The following JPH3 variants were observed in gnomAD, a reference collection of about 807,000 sequenced individuals.
The protein encoded by JPH3 is junctophilin 3, also known as junctophilin-3.
Under a neutral mutation model 59.6 loss-of-function variants are expected in JPH3, and 11 were observed. That is an observed-to-expected ratio of 0.18 (90% CI 0.12 to 0.31). The LOEUF (loss-of-function observed/expected upper bound fraction) is 0.31. Among genes scored for constraint, JPH3 ranks in the 10% least tolerant of loss-of-function variants. The probability of loss-of-function intolerance (pLI) is 1.00; values close to 1 mark genes in which losing one functional copy is unlikely to be tolerated. For synonymous variants in JPH3, 673 were observed against 483.6 expected (o/e 1.39, Z -5.14); for missense variants, 1,202 against 1,105.7 (o/e 1.09, Z -1.24).
intron 1 of JPH3, among the ~76,000 whole-genome samples, chr16:87,627,613 C>A (rs2031425234): frequency 1.3e-5 from 2 of 152,212 alleles, no homozygotes; most frequent in Non-Finnish European, 1.5e-5. Flanking sequence ...GCTGCAGCTC[C>A]CAGGCTCTCA....
chr16:87,650,733 C>G (rs1567599333), intron 2 of JPH3, among the ~76,000 whole-genome samples: 1 of 152,190 alleles, frequency 6.6e-6, no homozygotes, highest in Admixed American at 6.5e-5. Flanking sequence ...TGATCCAGAG[C>G]AAGGCTCAAC....
intron 1 of JPH3, among the ~76,000 whole-genome samples, chr16:87,628,961 C>A (rs1000169852): frequency 2.0e-5 from 3 of 152,090 alleles, no homozygotes; most frequent in Non-Finnish European, 2.9e-5. Context: ...CACAAATCAG[C>A]CAGAGTTACT....
chr16:87,624,732 G>A (rs769286102), intron 1 of JPH3, among the ~76,000 whole-genome samples: 2 of 152,150 alleles, frequency 1.3e-5, no homozygotes, highest in African/African-American at 2.4e-5. Flanking sequence ...TGGCTGGGTC[G>A]CTCTGGGCCC....
chr16:87,651,601 G>A (rs1317828816), intron 2 of JPH3, among the ~76,000 whole-genome samples: 1 of 152,232 alleles, frequency 6.6e-6, no homozygotes, highest in Non-Finnish European at 1.5e-5. Flanking sequence ...GTGGAGGAAG[G>A]ACTGCAGATG....
intron 2 of JPH3, among the ~76,000 whole-genome samples, chr16:87,656,362 GCT>G (rs1204807982): frequency 6.6e-6 from 1 of 152,228 alleles, no homozygotes; most frequent in Non-Finnish European, 1.5e-5. Flanking sequence ...AGCAAAGGAA[GCT>G]CTAAACACCA....
intron 2 of JPH3, among the ~76,000 whole-genome samples, chr16:87,680,187 C>T (rs1221175824): frequency 3.3e-5 from 5 of 152,264 alleles, no homozygotes; most frequent in Non-Finnish European, 7.3e-5. Flanking sequence ...AGGCTGGCTT[C>T]CTCTGGCGGA....
intron 2 of JPH3, among the ~76,000 whole-genome samples, chr16:87,671,194 C>G (rs549862434): frequency 1.3e-5 from 2 of 152,304 alleles, no homozygotes; most frequent in African/African-American, 4.8e-5. Context: ...AGCCCATGCA[C>G]AGACACGTCT....
At chr16:87,646,975 G>T (rs2150847634) in intron 2 of JPH3, among the ~76,000 whole-genome samples, 1 of 152,326 alleles carries the variant, frequency 6.6e-6, no homozygotes, top group African/African-American at 2.4e-5. Context: ...AAGGAGCCCA[G>T]GTGGCATGGA....
At chr16:87,682,419 A>G (rs2033318569) in intron 2 of JPH3, among the ~76,000 whole-genome samples, 2 of 152,052 alleles carry the variant, frequency 1.3e-5, no homozygotes, top group African/African-American at 4.8e-5. Context: ...CACCAGGGCG[A>G]TGGTGCTAGG....
chr16:87,634,358 G>GT (rs2031663632), intron 1 of JPH3, among the ~76,000 whole-genome samples: 1 of 152,196 alleles, frequency 6.6e-6, no homozygotes, highest in African/African-American at 2.4e-5. Flanking sequence ...GTGGAAGATG[G>GT]GTGCTGGTCG....
chr16:87,650,635 A>G (rs1167085555), intron 2 of JPH3, among the ~76,000 whole-genome samples: 1 of 152,272 alleles, frequency 6.6e-6, no homozygotes, highest in Non-Finnish European at 1.5e-5. Flanking sequence ...TCCAGTGAAT[A>G]CATGAATGAT....
intron 1 of JPH3, among the ~76,000 whole-genome samples, chr16:87,614,742 C>G (rs2030884972): frequency 6.9e-6 from 1 of 145,502 alleles, no homozygotes; most frequent in Non-Finnish European, 1.5e-5. Flanking sequence ...GCCGCGCGTC[C>G]CCTCCCGGGA....
intron 2 of JPH3, among the ~76,000 whole-genome samples, chr16:87,675,142 C>A (rs998420546): frequency 6.6e-6 from 1 of 151,546 alleles, no homozygotes; most frequent in Non-Finnish European, 1.5e-5. Context: ...ATTTCTACCA[C>A]CCCATGCCCC....
intron 1 of JPH3, among the ~76,000 whole-genome samples, chr16:87,616,409 ATT>A (rs55924986): frequency 3.0e-5 from 4 of 132,678 alleles, no homozygotes; most frequent in Admixed American, 1.5e-4. Flanking sequence ...AAGTTTTTGT[ATT>A]TTTTTTTTTT....
chr16:87,696,716 T>G lies in JPH3; in HGVS notation c.*56T>G. ...GGGTAGAAAAAAGGGACATTAAAAT[T>G]AAAAGCAAAACCACAAGAAGGGAAA... On this transcript the variant is annotated 3_prime_UTR_variant, in exon 5 of 5. Transcript: ENST00000284262. 1 of 1,451,912 alleles carries G rather than the reference T, an allele frequency of 6.9e-7. No homozygotes were observed. The highest frequency in any genetic ancestry group is 9.6e-7 in the Non-Finnish European group (1 of 1,037,300). The allele number at this position is 1,451,912 out of a possible 1,614,324, so 89.9% of individuals were successfully genotyped here.
At chr16:87,640,027 G>A (rs1376680290) in intron 1 of JPH3, among the ~76,000 whole-genome samples, 18 of 152,172 alleles carry the variant, frequency 1.2e-4, no homozygotes, top group Admixed American at 7.9e-4. Flanking sequence ...TCCACTTTGC[G>A]GGGGCAGCCC....
chr16:87,687,808 G>C (rs2033454363), intron 3 of JPH3, among the ~76,000 whole-genome samples: 1 of 152,340 alleles, frequency 6.6e-6, no homozygotes, highest in Middle Eastern at 3.4e-3. Flanking sequence ...CTCGGCAGCA[G>C]TGGGTGGACG....
rs1195180867 is a variant in JPH3, at chr16:87,666,083, C to CT, written c.1161-18052dup. 4.8e-3 allele frequency among the ~76,000 whole-genome samples: 664 copies of CT among 137,978 alleles called. 4 individuals carry two copies. The highest frequency in any genetic ancestry group is 0.019 in the African/African-American group (628 of 33,768). 90.5% of individuals were successfully genotyped at this position (137,978 alleles called of 152,430 possible). A position where few individuals can be genotyped will look rare whatever the true frequency, so the allele number is the denominator to read the frequency against. ...AATATCAGGTAAATAACAGGTACTTCTTTTTTTCTCTTTTTTTTTTTTTTG... is the reference window on the plus strand; with the variant it reads ...AATATCAGGTAAATAACAGGTACTTCTTTTTTTTCTCTTTTTTTTTTTTTTG... On this transcript the variant is annotated intron_variant, in intron 2 of 4. Transcript: ENST00000284262.
chr16:87,672,472 C>T lies in JPH3; in HGVS notation c.1161-11670C>T, dbSNP rs533384980. Among the ~76,000 whole-genome samples, 23 of 152,336 alleles carry T rather than the reference C, an allele frequency of 1.5e-4. No homozygotes were observed. In the East Asian group the frequency reaches 2.5e-3, roughly 17 times the overall value. Reference sequence around the variant, plus strand: ...AGGGTGGGCATGATGGGCAGCTTTGCGGAGCCTCCTCAGCACAGAGCCGCA... The same window carrying T: ...AGGGTGGGCATGATGGGCAGCTTTGTGGAGCCTCCTCAGCACAGAGCCGCA... On this transcript the variant is annotated intron_variant, in intron 2 of 4. Transcript: ENST00000284262.
Sources: gnomAD v4.1 joint callset for allele counts (sites outside exome capture counted in the v4.1 genomes callset) on GRCh38, gnomAD v4.1.1 for gene constraint, MANE v1.5 for transcripts, NCBI Gene and HGNC (gene_info 2026-07-23, HGNC 2026-07-21) for gene names.